Variants in ZMYM2 observed in about 807,000 individuals in gnomAD.
ZMYM2 encodes zinc finger MYM-type containing 2.
A neutral mutation model predicts 162.8 loss-of-function variants in ZMYM2; 56 were observed. That is an observed-to-expected ratio of 0.34 (90% CI 0.28 to 0.43). ZMYM2 has a LOEUF of 0.43. ZMYM2 is among the 20% of genes least tolerant of loss of function. The pLI is 1.00. For missense variants in ZMYM2, 1,275 were observed against 1,621.8 expected, an observed-to-expected ratio of 0.79 and a Z score of 3.67; for synonymous variants, 510 against 541.6, an observed-to-expected ratio of 0.94 and a Z score of 0.81.
intron 7 of ZMYM2, 169 bp from the exon 8 acceptor site, chr13:20,026,443 G>A: frequency 1.8e-6 from 1 of 551,958 alleles, no homozygotes; most frequent in Middle Eastern, 5.1e-4. Context: ...GACCTTAGCA[G>A]TTGTTGCATA....
intron 12 of ZMYM2, 52 bp downstream of exon 12, chr13:20,036,961 T>C (rs1953765595): frequency 6.7e-7 from 1 of 1,483,796 alleles, no homozygotes; most frequent in Non-Finnish European, 9.0e-7. Flanking sequence ...TAAAAAACGT[T>C]GTAGCTGTTA....
the ZMYM2 span, among the ~76,000 whole-genome samples, chr13:19,903,973 AC>A: frequency 6.6e-6 from 1 of 152,110 alleles, no homozygotes; most frequent in East Asian, 1.9e-4. Flanking sequence ...TGTGAGTCTT[AC>A]CTACTGGTAG....
At chr13:20,024,411 A>G (rs1952393855) in intron 7 of ZMYM2, 1 of 210,968 alleles carries the variant, frequency 4.7e-6, no homozygotes, top group South Asian at 1.9e-4. Flanking sequence ...TCAAATAGAA[A>G]TCAAATCCAT....
At chr13:20,075,599 T>C (rs1037513682) in intron 21 of ZMYM2, among the ~76,000 whole-genome samples, 1 of 151,992 alleles carries the variant, frequency 6.6e-6, no homozygotes, top group Non-Finnish European at 1.5e-5. Context: ...GATCATTCTT[T>C]CATACACTGT....
At chr13:20,043,702 A>G (rs940639851) in intron 12 of ZMYM2, among the ~76,000 whole-genome samples, 2 of 151,958 alleles carry the variant, frequency 1.3e-5, no homozygotes, top group Admixed American at 6.6e-5. Flanking sequence ...TGGTGGGGCA[A>G]GGTGGGGGTG....
intron 9 of ZMYM2, among the ~76,000 whole-genome samples, chr13:20,029,469 G>A (rs1334257370): frequency 1.3e-5 from 2 of 152,124 alleles, no homozygotes; most frequent in African/African-American, 4.8e-5. Context: ...CTTTAATGGG[G>A]CTCAAATTTT....
upstream of ZMYM2, among the ~76,000 whole-genome samples, chr13:19,957,684 G>T (rs1410830746): frequency 2.6e-5 from 4 of 152,246 alleles, no homozygotes; most frequent in Non-Finnish European, 5.9e-5. Flanking sequence ...AGGACCAGGA[G>T]ACGGTGGCAG....
chr13:19,905,239 C>T, the ZMYM2 span, among the ~76,000 whole-genome samples: 1 of 152,108 alleles, frequency 6.6e-6, no homozygotes, highest in Non-Finnish European at 1.5e-5. Context: ...TCTGGAACTC[C>T]TGACCTCAAG....
intron 12 of ZMYM2, among the ~76,000 whole-genome samples, chr13:20,050,761 G>A (rs1447336065): frequency 6.6e-6 from 1 of 151,982 alleles, no homozygotes; most frequent in African/African-American, 2.4e-5. Flanking sequence ...TGTTGTTCTT[G>A]TATCGTTTTT....
chr13:20,079,368 A>G (rs1053503129), intron 21 of ZMYM2, among the ~76,000 whole-genome samples: 3 of 123,730 alleles, frequency 2.4e-5, no homozygotes, highest in African/African-American at 5.6e-5. Context: ...TTCAAATCCC[A>G]TAATTGAAGA....
the ZMYM2 span, among the ~76,000 whole-genome samples, chr13:19,885,956 T>C: frequency 6.5e-3 from 507 of 77,812 alleles, 170 homozygotes; most frequent in Non-Finnish European, 8.2e-3. Flanking sequence ...TATATACACA[T>C]ATATATGTGT....
intron 17 of ZMYM2, among the ~76,000 whole-genome samples, chr13:20,061,745 C>T (rs141028413): frequency 4.6e-5 from 7 of 152,146 alleles, no homozygotes; most frequent in Non-Finnish European, 8.8e-5. Flanking sequence ...CGTGCCACCA[C>T]GCCCAGCCAA....
chr13:20,069,560 C>T (rs371777423), intron 21 of ZMYM2, among the ~76,000 whole-genome samples: 57 of 150,070 alleles, frequency 3.8e-4, no homozygotes, highest in African/African-American at 1.2e-3. Context: ...ATTTTGTCAA[C>T]GCCTTTTTCT....
At chr13:19,890,573 G>T in the ZMYM2 span, among the ~76,000 whole-genome samples, 2 of 145,008 alleles carry the variant, frequency 1.4e-5, no homozygotes, top group East Asian at 2.1e-4. Context: ...TAGATTATTT[G>T]TAGAACACGT....
chr13:19,895,903 A>G, the ZMYM2 span, among the ~76,000 whole-genome samples: 4 of 151,860 alleles, frequency 2.6e-5, no homozygotes, highest in African/African-American at 9.7e-5. Flanking sequence ...TTGTAAATTA[A>G]TGGACAATGA....
At chr13:20,071,246 G>A (rs957477327) in intron 21 of ZMYM2, among the ~76,000 whole-genome samples, 2 of 152,112 alleles carry the variant, frequency 1.3e-5, no homozygotes, top group Non-Finnish European at 2.9e-5. Flanking sequence ...CTAATTTTTT[G>A]TATTTTTTAG....
the ZMYM2 span, among the ~76,000 whole-genome samples, chr13:19,925,085 T>C: frequency 6.6e-6 from 1 of 152,086 alleles, no homozygotes; most frequent in Admixed American, 6.6e-5. Context: ...GGTTTCTCCA[T>C]GTTGGTCAGG....
At chr13:19,877,900 A>ATATG in the ZMYM2 span, among the ~76,000 whole-genome samples, 6 of 152,148 alleles carry the variant, frequency 3.9e-5, no homozygotes, top group African/African-American at 1.4e-4. Context: ...TTTTTTGACT[A>ATATG]TATACACCGA....
At chr13:19,937,852 T>C in the ZMYM2 span, among the ~76,000 whole-genome samples, 1 of 141,786 alleles carries the variant, frequency 7.1e-6, no homozygotes, top group East Asian at 2.2e-4. Flanking sequence ...CGTGTTCTCA[T>C]TGTTCAATTC....
Sources: gnomAD v4.1 joint callset for allele counts (sites outside exome capture counted in the v4.1 genomes callset) on GRCh38, gnomAD v4.1.1 for gene constraint, MANE v1.5 for transcripts, NCBI Gene and HGNC (gene_info 2026-07-23, HGNC 2026-07-21) for gene names.